The following XIAP variants were observed in gnomAD, a reference collection of about 807,000 sequenced individuals.
XIAP encodes E3 ubiquitin-protein ligase XIAP.
A neutral mutation model predicts 33.1 loss-of-function variants in XIAP; 3 were observed. The ratio of observed to expected loss-of-function variants is 0.09; its 90% CI spans 0.04 to 0.23. XIAP has a LOEUF of 0.23. XIAP is among the 10% of genes least tolerant of loss of function. The probability of loss-of-function intolerance (pLI) is 1.00; values close to 1 mark genes in which losing one functional copy is unlikely to be tolerated. For missense variants in XIAP, 264 were observed against 363.0 expected (o/e 0.73, Z 2.22); for synonymous variants, 98 against 121.3 (o/e 0.81, Z 1.26).
At chrX:123,870,401 G>C (rs1233035633) in intron 1 of XIAP, among the ~76,000 whole-genome samples, 1 of 112,084 alleles carries the variant, frequency 8.9e-6, no homozygotes. Context: ...GAAATATGTT[G>C]TATCGTTTAA....
rs758981602 is a variant in XIAP at position 123,907,760 on chromosome X, G to A, written c.*579G>A. 2.4e-4 allele frequency: 89 copies of A among 377,192 alleles called. No individual in the cohort carries two copies. Among genetic ancestry groups the A allele is most frequent in the South Asian group, 2.3e-3 (87 of 38,575 alleles). The allele number at this position is 377,192 out of a possible 1,213,427, so 31.1% of individuals were successfully genotyped here. On this transcript the variant is annotated 3_prime_UTR_variant, in exon 7 of 7. Transcript: ENST00000371199. ...AAAGTGATTTGCCATTTTTGAAAGC[G>A]TATTTAATGATAGAATACTATCGAG...
rs184136221 is a variant in XIAP, at chrX:123,905,333, G to C, written c.1301-1655G>C. ...CCTGTGCACTTGTAGGCCACGTTCT[G>C]TCTCTCTCCTTGGAGCTTGTTTATG... is the stretch of plus-strand genomic sequence containing the variant. On this transcript the variant is annotated intron_variant, in intron 6 of 6. Coordinates refer to ENST00000371199, the MANE Select transcript of XIAP (RefSeq NM_001167.4). Among the ~76,000 whole-genome samples the C allele has an allele frequency of 5.0e-4, 56 of 111,581 alleles. 1 individual carries two copies. The highest frequency in any genetic ancestry group is 1.8e-3 in the African/African-American group (55 of 30,756).
intron 1 of XIAP, chrX:123,872,740 C>T (rs760835010): frequency 1.3e-4 from 14 of 111,504 alleles, no homozygotes; most frequent in African/African-American, 4.6e-4. Flanking sequence ...TTTCTCAGCC[C>T]TTCTCTTCTG....
chrX:123,899,119 C>CAA (rs1187328706), intron 5 of XIAP, among the ~76,000 whole-genome samples: 542 of 7,216 alleles, frequency 0.075, 191 homozygotes, highest in Non-Finnish European at 0.088. Context: ...GACTACGTCT[C>CAA]AAAAAAAAAA....
In XIAP at chrX:123,912,980, G is replaced by A. The variant is rs1390406662; in HGVS notation, c.*5799G>A. On this transcript the variant is annotated 3_prime_UTR_variant, in exon 7 of 7. Coordinates refer to ENST00000371199, the MANE Select transcript of XIAP (RefSeq NM_001167.4). The stretch of plus-strand genomic sequence containing the variant: ...ATTTTTTAGTAGTGACTGGTTTCGC[G>A]GTGTTGACCAGGCTGGTCTCGAACT... 2.2e-5 allele frequency: 6 copies of A among 277,797 alleles called. No homozygotes were observed. The highest frequency in any genetic ancestry group is 4.1e-5 in the Non-Finnish European group (6 of 144,742). 22.9% of individuals were successfully genotyped at this position (277,797 alleles called of 1,213,427 possible). A position where few individuals can be genotyped will look rare whatever the true frequency, so the allele number is the denominator to read the frequency against.
intron 5 of XIAP, among the ~76,000 whole-genome samples, chrX:123,899,189 A>G (rs866450025): frequency 1.7e-4 from 8 of 46,387 alleles, no homozygotes; most frequent in South Asian, 1.3e-3. Flanking sequence ...ATATGATTTT[A>G]TATATATATG....
At chrX:123,863,264 A>G (rs1364506043) in intron 1 of XIAP, among the ~76,000 whole-genome samples, 1 of 110,431 alleles carries the variant, frequency 9.1e-6, no homozygotes, top group Non-Finnish European at 1.9e-5. Context: ...CAGCCTGGCT[A>G]ACATGGTGAA....
At chrX:123,895,400 T>G (rs2148100921) in intron 5 of XIAP, among the ~76,000 whole-genome samples, 1 of 112,673 alleles carries the variant, frequency 8.9e-6, no homozygotes, top group African/African-American at 3.2e-5. Context: ...ATGATGGTTC[T>G]ATGAACATTT....
intron 3 of XIAP, 48 bp from the exon 4 acceptor site, chrX:123,891,190 A>G: frequency 1.6e-6 from 1 of 643,595 alleles, no homozygotes; most frequent in Non-Finnish European, 2.5e-6. Flanking sequence ...CTTTGCTTAT[A>G]CTTCACTAAT....
At chrX:123,885,527 A>T in intron 1 of XIAP, 104 bp from the exon 2 acceptor site, 1 of 612,236 alleles carries the variant, frequency 1.6e-6, no homozygotes, top group Non-Finnish European at 2.5e-6. Context: ...GCGGTCGTGT[A>T]GTTATTTTTA....
intron 1 of XIAP, among the ~76,000 whole-genome samples, chrX:123,866,835 C>A (rs1008815901): frequency 9.4e-6 from 1 of 106,407 alleles, no homozygotes; most frequent in Non-Finnish European, 1.9e-5. Context: ...TGCTACCACA[C>A]CTGGCTTATT....
intron 5 of XIAP, among the ~76,000 whole-genome samples, chrX:123,898,616 A>G (rs995962576): frequency 1.8e-5 from 2 of 108,791 alleles, no homozygotes; most frequent in Non-Finnish European, 3.8e-5. Context: ...AGCCTCCCGA[A>G]ATGCTGGGAC....
At chrX:123,867,061 A>G (rs1296404623) in intron 1 of XIAP, among the ~76,000 whole-genome samples, 2 of 45,237 alleles carry the variant, frequency 4.4e-5, no homozygotes, top group Admixed American at 3.3e-4. Flanking sequence ...TCAACATTCT[A>G]TAGTTAACAT....
rs1308550970 is a variant in XIAP at position 123,908,520 on chromosome X, A to G, written c.*1339A>G. 6 of 364,485 alleles carry G rather than the reference A, an allele frequency of 1.6e-5. No individual in the cohort carries two copies. The highest frequency in any genetic ancestry group is 3.1e-5 in the Non-Finnish European group (6 of 193,063). 30.0% of individuals were successfully genotyped at this position (364,485 alleles called of 1,213,427 possible). A position where few individuals can be genotyped will look rare whatever the true frequency, so the allele number is the denominator to read the frequency against. On this transcript the variant is annotated 3_prime_UTR_variant, in exon 7 of 7. Transcript: ENST00000371199. ...CTTGTAGTTATAGTGACAGCTTTCC[A>G]TGTTGAGATTCTCATATCATCTTGT... is the stretch of plus-strand genomic sequence containing the variant.
Position 123,899,140 on chromosome X carries a change from A to T in XIAP, c.1100-1353A>T, listed in dbSNP as rs1423357913. 1.1e-3 allele frequency among the ~76,000 whole-genome samples: 67 copies of T among 61,973 alleles called. 5 individuals carry two copies. The highest frequency in any genetic ancestry group is 3.7e-3 in the African/African-American group (61 of 16,302). 53.8% of individuals were successfully genotyped at this position (61,973 alleles called of 115,157 possible). On this transcript the variant is annotated intron_variant, in intron 5 of 6. Coordinates refer to ENST00000371199, the MANE Select transcript of XIAP (RefSeq NM_001167.4). ...GTCTCAAAAAAAAAAAAAAAAAAAA[A>T]AAAAATATATATATATATATATATA... is the stretch of plus-strand genomic sequence containing the variant.
At chrX:123,906,558 C>T (rs946499201) in intron 6 of XIAP, among the ~76,000 whole-genome samples, 4 of 111,436 alleles carry the variant, frequency 3.6e-5, no homozygotes, top group South Asian at 3.7e-4. Context: ...TGGAATTAGT[C>T]GTGACCTTTC....
intron 5 of XIAP, among the ~76,000 whole-genome samples, chrX:123,899,138 AAAAAAAAT>A (rs1305496238): frequency 1.4e-5 from 1 of 72,590 alleles, no homozygotes; most frequent in African/African-American, 5.4e-5. Flanking sequence ...AAAAAAAAAA[AAAAAAAAT>A]ATATATATAT....
At chrX:123,899,406 T>C (rs1055517228) in intron 5 of XIAP, among the ~76,000 whole-genome samples, 15 of 104,877 alleles carry the variant, frequency 1.4e-4, no homozygotes, top group African/African-American at 5.1e-4. Context: ...ATTAAATATG[T>C]GTTAAATATA....
chrX:123,887,666 A>G lies in XIAP; in HGVS notation c.878-953A>G, dbSNP rs182836084. ...CACAGTTTGAAACAGTAAGGACAAT[A>G]TTGGTGGCCCAAATAACATACTAAA... On this transcript the variant is annotated intron_variant, in intron 2 of 6. Coordinates refer to ENST00000371199, the MANE Select transcript of XIAP (RefSeq NM_001167.4). 6.9e-3 allele frequency among the ~76,000 whole-genome samples: 765 copies of G among 111,518 alleles called. 7 individuals are homozygous for G. The highest frequency in any genetic ancestry group is 0.024 in the African/African-American group (726 of 30,756).
Sources: allele counts gnomAD v4.1 joint callset (sites outside exome capture counted in the v4.1 genomes callset), GRCh38; gene constraint gnomAD v4.1.1; transcripts MANE v1.5; gene names NCBI Gene and HGNC (gene_info 2026-07-23, HGNC 2026-07-21).